The following WSCD1 variants were observed in gnomAD, a reference collection of about 807,000 sequenced individuals.
WSCD1 encodes sialate:O-sulfotransferase 1.
A neutral mutation model predicts 60.4 loss-of-function variants in WSCD1; 41 were observed. The ratio of observed to expected loss-of-function variants is 0.68; its 90% CI spans 0.53 to 0.88. The LOEUF (loss-of-function observed/expected upper bound fraction) is 0.88. WSCD1 is among the 40% of genes least tolerant of loss of function. The pLI is 0.00. For missense variants in WSCD1, 784 were observed against 796.2 expected (o/e 0.98, Z 0.18); for synonymous variants, 361 against 332.5 (o/e 1.09, Z -0.93).
intron 5 of WSCD1, among the ~76,000 whole-genome samples, chr17:6,103,599 ACT>A (rs1417827491): frequency 1.3e-5 from 2 of 152,146 alleles, no homozygotes; most frequent in African/African-American, 4.8e-5. Flanking sequence ...CCCTGGAGAC[ACT>A]CTGACATTTG....
In WSCD1 at chr17:6,088,275, G is replaced by T. The variant is rs368219259; in HGVS notation, c.542+171G>T. Among the ~76,000 whole-genome samples, 26 of 152,256 alleles carry T rather than the reference G, an allele frequency of 1.7e-4. No individual in the cohort carries two copies. In the South Asian group the frequency reaches 4.4e-3, roughly 26 times the overall value. ...AAGTTTGTTGGCAGATGACCTGGGT[G>T]CCGGGAGCTGGGTGCTGGGTGATGG... is the stretch of plus-strand genomic sequence containing the variant. On this transcript the variant is annotated intron_variant, in intron 3 of 8. Coordinates refer to ENST00000317744, the MANE Select transcript of WSCD1 (RefSeq NM_015253.2).
At chr17:6,071,325 G>C (rs1763955073) in intron 1 of WSCD1, among the ~76,000 whole-genome samples, 2 of 152,148 alleles carry the variant, frequency 1.3e-5, no homozygotes, top group South Asian at 2.1e-4. Flanking sequence ...GGGTAACCTC[G>C]CTGGTGGTTT....
intron 5 of WSCD1, among the ~76,000 whole-genome samples, chr17:6,104,285 G>A (rs535225994): frequency 1.3e-5 from 2 of 152,238 alleles, no homozygotes; most frequent in East Asian, 3.9e-4. Context: ...CTCCAACCAG[G>A]CCCCACCTCC....
At chr17:6,082,725 C>G (rs1215473723) in intron 2 of WSCD1, among the ~76,000 whole-genome samples, 1 of 152,110 alleles carries the variant, frequency 6.6e-6, no homozygotes, top group African/African-American at 2.4e-5. Context: ...ATAAGTGTGG[C>G]CAGAGCACAG....
intron 3 of WSCD1, among the ~76,000 whole-genome samples, chr17:6,088,826 A>G (rs1388289343): frequency 2.1e-5 from 3 of 142,454 alleles, no homozygotes; most frequent in African/African-American, 7.8e-5. Flanking sequence ...TCTGTTGCCC[A>G]GGCTGGAGTG....
Position 6,122,321 on chromosome 17 carries a change from CT to C in WSCD1, c.*1661del, listed in dbSNP as rs1426976386. ...TGGGTGGGTTTGGGCATCTGTGCCC[CT>C]GGTGGCCTCCAAATCCTTCCTGGGA... On this transcript the variant is annotated 3_prime_UTR_variant, in exon 9 of 9. Transcript: ENST00000317744. The C allele has an allele frequency of 6.6e-6, 1 of 152,278 alleles. No homozygotes were observed. Among genetic ancestry groups the C allele is most frequent in the Non-Finnish European group, 1.5e-5 (1 of 68,092 alleles). 9.4% of individuals were successfully genotyped at this position (152,278 alleles called of 1,614,324 possible). A position where few individuals can be genotyped will look rare whatever the true frequency, so the allele number is the denominator to read the frequency against.
At chr17:6,091,965 A>G (rs374832227) in intron 4 of WSCD1, among the ~76,000 whole-genome samples, 127 of 151,778 alleles carry the variant, frequency 8.4e-4, no homozygotes, top group Non-Finnish European at 1.1e-3. Flanking sequence ...GACCAGCCTG[A>G]CCAACATGGT....
chr17:6,118,454 C>G lies in WSCD1; in HGVS notation c.1375+266C>G, dbSNP rs148774515. 6.6e-6 allele frequency among the ~76,000 whole-genome samples: 1 copy of G among 152,318 alleles called. No individual in the cohort carries two copies. Among genetic ancestry groups the G allele is most frequent in the African/African-American group, 2.4e-5 (1 of 41,576 alleles). ...CCAGCTTGATTACCAAGAATCTTCT[C>G]TGCCTCCATGAGTGCATAGTGGGGT... On this transcript the variant is annotated intron_variant, in intron 8 of 8. Coordinates refer to ENST00000317744, the MANE Select transcript of WSCD1 (RefSeq NM_015253.2). This position sits in a 1 kb window ranked among gnomAD's most constrained non-coding sequence, Gnocchi z 5.8.
At chr17:6,098,855 T>C (rs1910615843) in intron 5 of WSCD1, among the ~76,000 whole-genome samples, 1 of 151,808 alleles carries the variant, frequency 6.6e-6, no homozygotes, top group African/African-American at 2.4e-5. Context: ...GGTGGCAGAG[T>C]AAGGGCAGTG....
chr17:6,074,396 G>C (rs753128690), intron 1 of WSCD1, among the ~76,000 whole-genome samples: 97 of 152,324 alleles, frequency 6.4e-4, no homozygotes, highest in Admixed American at 1.7e-3. Flanking sequence ...ATGGCCCTGA[G>C]CATCGAAGGA....
At chr17:6,076,502 G>A (rs1203126845) in intron 1 of WSCD1, among the ~76,000 whole-genome samples, 5 of 152,080 alleles carry the variant, frequency 3.3e-5, no homozygotes, top group Admixed American at 6.6e-5. Context: ...CCCGTCCTCC[G>A]GCTTTTCCTT....
At chr17:6,106,546 G>C (rs1472318704) in intron 5 of WSCD1, among the ~76,000 whole-genome samples, 1 of 152,228 alleles carries the variant, frequency 6.6e-6, no homozygotes, top group African/African-American at 2.4e-5. Context: ...TGACATTCCA[G>C]TATAGATAAA....
chr17:6,117,275 A>G lies in WSCD1; in HGVS notation c.1175-713A>G, dbSNP rs543552583. 1.9e-4 allele frequency among the ~76,000 whole-genome samples: 29 copies of G among 152,342 alleles called. 1 individual carries two copies. In the South Asian group the frequency reaches 5.8e-3, roughly 30 times the overall value. On this transcript the variant is annotated intron_variant, in intron 7 of 8. Transcript: ENST00000317744. ...GGCTGATCAATGGGAACAAGTCTCC[A>G]TTCATAGAAATTGGGCCCTGGGTCC... is the stretch of plus-strand genomic sequence containing the variant.
chr17:6,120,171 A>T, intron 8 of WSCD1, 138 bp from the exon 9 acceptor site: 1 of 952,474 alleles, frequency 1.0e-6, no homozygotes, highest in Non-Finnish European at 1.6e-6. Flanking sequence ...GTCCTCCTCC[A>T]TGGGGAATGC....
chr17:6,098,150 G>C (rs1303447310), intron 5 of WSCD1, among the ~76,000 whole-genome samples: 2 of 120,466 alleles, frequency 1.7e-5, no homozygotes, highest in Admixed American at 7.7e-5. Flanking sequence ...AGACAGGGGG[G>C]CGGGGTGGGG....
intron 1 of WSCD1, among the ~76,000 whole-genome samples, chr17:6,071,993 G>A (rs911608073): frequency 2.0e-5 from 3 of 152,228 alleles, no homozygotes; most frequent in African/African-American, 4.8e-5. Context: ...TGGTTGGGCT[G>A]GTGGCTGAGC....
chr17:6,100,840 C>T (rs145147740), intron 5 of WSCD1, among the ~76,000 whole-genome samples: 2 of 152,184 alleles, frequency 1.3e-5, no homozygotes, highest in Non-Finnish European at 2.9e-5. Context: ...CCTGAAGATG[C>T]CAGGCAGCCA....
upstream of WSCD1, chr17:6,069,375 C>T: frequency 2.5e-6 from 1 of 399,124 alleles, no homozygotes; most frequent in South Asian, 1.3e-4. Context: ...TGTTCAGCCT[C>T]TTTCCACCTC....
In WSCD1 at chr17:6,090,354, G is replaced by T. The variant is rs751311579; in HGVS notation, c.576G>T (p.Ala192=). The T allele has an allele frequency of 6.2e-7, 1 of 1,607,132 alleles. No homozygotes were observed. The highest frequency in any genetic ancestry group is 1.7e-5 in the Admixed American group (1 of 58,946). The change falls in exon 4 of 9, where the codon GCG becomes GCT. Residue 192 remains alanine (A), a synonymous_variant. Coordinates refer to ENST00000317744, the MANE Select transcript of WSCD1 (RefSeq NM_015253.2). ...SYVYAGLEAG[A]ECYCGNRLPA... ...TCTACGCCGGCTTGGAGGCCGGGGCGGAGTGTTACTGCGGGAACCGGCTGC... is the reference window on the plus strand; with the variant it reads ...TCTACGCCGGCTTGGAGGCCGGGGCTGAGTGTTACTGCGGGAACCGGCTGC...
Sources: allele counts gnomAD v4.1 joint callset (sites outside exome capture counted in the v4.1 genomes callset), GRCh38; gene constraint gnomAD v4.1.1; non-coding constraint Gnocchi (gnomAD v3.1); transcripts MANE v1.5; gene names NCBI Gene and HGNC (gene_info 2026-07-23, HGNC 2026-07-21).